CCDC18: variants seen among roughly 807,000 people sequenced by gnomAD.
CCDC18 encodes coiled-coil domain containing 18, also known as coiled-coil domain-containing protein 18.
A neutral mutation model predicts 196.0 loss-of-function variants in CCDC18; 157 were observed. The observed-to-expected ratio is 0.80, with a 90% CI of 0.70 to 0.91. The LOEUF is 0.91. CCDC18 is among the 40% of genes least tolerant of loss of function. The pLI, the probability that CCDC18 is intolerant of heterozygous loss-of-function variation, is 0.00. For synonymous variants in CCDC18, 482 were observed against 529.2 expected, an observed-to-expected ratio of 0.91 and a Z score of 1.22; for missense variants, 1,465 against 1,611.6, an observed-to-expected ratio of 0.91 and a Z score of 1.56.
intron 16 of CCDC18, 61 bp downstream of exon 16, chr1:93,221,997 T>G: frequency 8.8e-7 from 1 of 1,141,654 alleles, no homozygotes; most frequent in Non-Finnish European, 1.2e-6. Context: ...ACAGACAGAA[T>G]CTCTCTCATT....
chr1:93,198,041 G>T (rs985813380), intron 6 of CCDC18, among the ~76,000 whole-genome samples: 4 of 151,950 alleles, frequency 2.6e-5, no homozygotes, highest in Non-Finnish European at 5.9e-5. Flanking sequence ...GTGAGCCACC[G>T]CGCCCGGCCC....
chr1:93,186,472 T>C lies in CCDC18; in HGVS notation c.431T>C (p.Ile144Thr), dbSNP rs1650694134. 2 of 1,610,518 alleles carry C rather than the reference T, an allele frequency of 1.2e-6. No individual in the cohort carries two copies. Among genetic ancestry groups the C allele is most frequent in the Non-Finnish European group, 1.7e-6 (2 of 1,178,168 alleles). Residue 144 changes from isoleucine (I) to threonine (T), a missense_variant, in exon 4 of 29, where the codon ATT (isoleucine) becomes ACT (threonine). By Grantham distance (89) the Ile-to-Thr change is moderately conservative. Coordinates refer to ENST00000690025, the MANE Select transcript of CCDC18 (RefSeq NM_001378204.1). ...TCCTTAATGACTAAATTTGAATCTA[T>C]TCACTTTGAATTAACACAGTCAAGA... ...NHSLMTKFESIHFELTQSRAK... is the reference protein window; with the variant it reads ...NHSLMTKFESTHFELTQSRAK...
intron 12 of CCDC18, 85 bp from the exon 13 acceptor site, chr1:93,216,551 T>C: frequency 3.3e-6 from 2 of 615,132 alleles, no homozygotes; most frequent in Non-Finnish European, 5.5e-6. Flanking sequence ...ATTTGAACTT[T>C]GAAAGAGGAG....
rs768350775 is a variant in CCDC18 at position 93,236,295 on chromosome 1, T to G, written c.2508T>G (p.Ala836=). The G allele has an allele frequency of 3.8e-6, 6 of 1,579,050 alleles. No individual in the cohort carries two copies. In the East Asian group the frequency reaches 1.2e-4, roughly 31 times the overall value. ...QELQKQRESS[A]EKLRKMEEKC... is the part of the protein sequence containing the mutation. ...TTCAAAAACAAAGGGAAAGTTCAGCTGAAAAGTTGAGAAAAATGGAGGAGA... is the reference window on the plus strand; with the variant it reads ...TTCAAAAACAAAGGGAAAGTTCAGCGGAAAAGTTGAGAAAAATGGAGGAGA... Residue 836 remains alanine (A), a synonymous_variant, in exon 19 of 29, where the codon GCT becomes GCG. Transcript: ENST00000690025.
chr1:93,237,463 A>C (rs951315988), intron 19 of CCDC18, among the ~76,000 whole-genome samples: 1 of 152,160 alleles, frequency 6.6e-6, no homozygotes, highest in South Asian at 2.1e-4. Flanking sequence ...CAACTTCTGA[A>C]AGACTTCTAC....
At position 93,249,816 on chromosome 1, in the gene CCDC18, G is replaced by A. The variant is rs192735254; in HGVS notation, c.3198+2862G>A. 2.0e-3 allele frequency among the ~76,000 whole-genome samples: 297 copies of A among 152,172 alleles called. 2 individuals carry two copies. Among genetic ancestry groups the A allele is most frequent in the Admixed American group, 3.7e-3 (56 of 15,294 alleles). Reference sequence around the variant, plus strand: ...TTTAACATGCACCTTTAGGTGCATTGTTTGTTTGAAATTTTTGTATTTTTT... The same window carrying A: ...TTTAACATGCACCTTTAGGTGCATTATTTGTTTGAAATTTTTGTATTTTTT... On this transcript the variant is annotated intron_variant, in intron 23 of 28. Transcript: ENST00000690025.
intron 21 of CCDC18, among the ~76,000 whole-genome samples, chr1:93,241,449 C>T (rs542140629): frequency 4.6e-5 from 7 of 151,992 alleles, no homozygotes; most frequent in South Asian, 2.1e-4. Flanking sequence ...TTAGACCAGG[C>T]GCGGTGGCTC....
At chr1:93,215,790 T>G (rs1406457725) in intron 12 of CCDC18, among the ~76,000 whole-genome samples, 1 of 152,206 alleles carries the variant, frequency 6.6e-6, no homozygotes, top group Non-Finnish European at 1.5e-5. Context: ...GTATTTCTGC[T>G]GTTTAAAGAG....
upstream of CCDC18, chr1:93,180,633 C>T (rs185712821): frequency 1.3e-4 from 169 of 1,335,602 alleles, no homozygotes; most frequent in East Asian, 3.9e-3. Context: ...CCACGATCCC[C>T]GGCAAGCCCC....
intron 23 of CCDC18, among the ~76,000 whole-genome samples, chr1:93,247,680 T>A (rs1661665928): frequency 6.6e-6 from 1 of 152,078 alleles, no homozygotes. Context: ...CTTCCCAAAG[T>A]GCTGGGATTA....
chr1:93,180,956 T>C, intron 1 of CCDC18, 104 bp downstream of exon 1: 1 of 1,105,110 alleles, frequency 9.0e-7, no homozygotes, highest in Non-Finnish European at 1.2e-6. Flanking sequence ...CCCGGCACCT[T>C]GGATGCGCTG....
chr1:93,276,080 T>C (rs942092452), intron 28 of CCDC18, among the ~76,000 whole-genome samples: 1 of 152,236 alleles, frequency 6.6e-6, no homozygotes, highest in Non-Finnish European at 1.5e-5. Flanking sequence ...ATTGTTGGGC[T>C]GTGCAGAGGG....
chr1:93,204,190 A>G (rs1654327127), intron 7 of CCDC18, among the ~76,000 whole-genome samples: 1 of 152,142 alleles, frequency 6.6e-6, no homozygotes, highest in Non-Finnish European at 1.5e-5. Context: ...AGATGGCACA[A>G]GGGTCTGAAT....
intron 12 of CCDC18, among the ~76,000 whole-genome samples, chr1:93,216,203 T>C (rs1656450647): frequency 6.6e-6 from 1 of 152,230 alleles, no homozygotes; most frequent in South Asian, 2.1e-4. Flanking sequence ...AATAGCACAG[T>C]CTTGTTAATA....
At chr1:93,182,455 C>CG (rs1649890540) in intron 1 of CCDC18, among the ~76,000 whole-genome samples, 1 of 151,972 alleles carries the variant, frequency 6.6e-6, no homozygotes, top group Non-Finnish European at 1.5e-5. Flanking sequence ...CTAAGAAGGG[C>CG]GTTGAAGGAG....
chr1:93,216,935 C>CTCTTTTTTT (rs781629982), intron 13 of CCDC18, among the ~76,000 whole-genome samples, 189 bp downstream of exon 13: 18 of 132,756 alleles, frequency 1.4e-4, no homozygotes, highest in African/African-American at 3.8e-4. Flanking sequence ...CAAGTTTTCT[C>CTCTTTTTTT]TTTTTTTTTT....
intron 7 of CCDC18, among the ~76,000 whole-genome samples, chr1:93,204,753 T>A (rs2101886874): frequency 6.6e-6 from 1 of 152,188 alleles, no homozygotes; most frequent in African/African-American, 2.4e-5. Flanking sequence ...TCTTTTTTTT[T>A]TAAATTTTAT....
At chr1:93,230,988 A>G (rs1322641158) in intron 17 of CCDC18, among the ~76,000 whole-genome samples, 1 of 152,242 alleles carries the variant, frequency 6.6e-6, no homozygotes, top group Non-Finnish European at 1.5e-5. Flanking sequence ...AAAAGGGATT[A>G]TAATTCAGGA....
intron 14 of CCDC18, among the ~76,000 whole-genome samples, chr1:93,219,319 A>C (rs1657026569): frequency 6.6e-6 from 1 of 152,196 alleles, no homozygotes; most frequent in East Asian, 1.9e-4. Flanking sequence ...CAACCTCAGC[A>C]TGCAGTTTTT....
Sources: gnomAD v4.1 joint callset for allele counts (sites outside exome capture counted in the v4.1 genomes callset) on GRCh38, gnomAD v4.1.1 for gene constraint, MANE v1.5 for transcripts, NCBI Gene and HGNC (gene_info 2026-07-23, HGNC 2026-07-21) for gene names.